Variants in ATP2B2 observed in about 807,000 individuals in gnomAD.
The protein encoded by ATP2B2 is ATPase plasma membrane Ca2+ transporting 2.
Under a neutral mutation model 120.0 loss-of-function variants are expected in ATP2B2, and 15 were observed. The observed-to-expected ratio is 0.12, with a 90% CI of 0.08 to 0.19. ATP2B2 has a LOEUF of 0.19. Among genes scored for constraint, ATP2B2 ranks in the 10% least tolerant of loss-of-function variants. The pLI is 1.00. For synonymous variants in ATP2B2, 694 were observed against 700.3 expected (o/e 0.99, Z 0.14); for missense variants, 1,045 against 1,719.8 (o/e 0.61, Z 6.94).
At chr3:10,337,603 G>A (rs540933606) in intron 22 of ATP2B2, among the ~76,000 whole-genome samples, 1 of 152,278 alleles carries the variant, frequency 6.6e-6, no homozygotes, top group Non-Finnish European at 1.5e-5. Flanking sequence ...GCTACGCCCT[G>A]CACCTGTGCT....
chr3:10,566,749 C>A (rs1414525601), intron 2 of ATP2B2, among the ~76,000 whole-genome samples: 3 of 152,106 alleles, frequency 2.0e-5, no homozygotes, highest in African/African-American at 7.2e-5. Flanking sequence ...AGCAGTGGGA[C>A]CTGAGTGACA....
chr3:10,432,764 C>T (rs34854), intron 2 of ATP2B2, among the ~76,000 whole-genome samples: 27,442 of 152,196 alleles, frequency 0.18, 3,037 homozygotes, highest in East Asian at 0.33. Context: ...TGTCTCTTGA[C>T]AGGGGACAAA....
intron 14 of ATP2B2, among the ~76,000 whole-genome samples, chr3:10,353,206 A>C (rs1434352525): frequency 6.6e-6 from 1 of 152,188 alleles, no homozygotes; most frequent in African/African-American, 2.4e-5. Flanking sequence ...GGAACACAGA[A>C]GGGGGTTTTG....
At chr3:10,519,524 C>T (rs1465211862) in intron 3 of ATP2B2, among the ~76,000 whole-genome samples, 11 of 152,148 alleles carry the variant, frequency 7.2e-5, no homozygotes, top group Non-Finnish European at 4.4e-5. Flanking sequence ...TCTGATGGTA[C>T]GTGAGAGGCG....
intron 2 of ATP2B2, among the ~76,000 whole-genome samples, chr3:10,557,797 C>T (rs1399249896): frequency 1.3e-5 from 2 of 152,124 alleles, no homozygotes; most frequent in Non-Finnish European, 1.5e-5. Context: ...TCCGTGTGAG[C>T]CTGCAGTCCA....
chr3:10,688,872 C>T (rs1371706973), intron 1 of ATP2B2, among the ~76,000 whole-genome samples: 4 of 152,010 alleles, frequency 2.6e-5, no homozygotes, highest in Non-Finnish European at 5.9e-5. Flanking sequence ...ATTAGGGTGG[C>T]CTTCGGTTGA....
chr3:10,435,110 G>A (rs976185877), intron 2 of ATP2B2, among the ~76,000 whole-genome samples: 9 of 152,228 alleles, frequency 5.9e-5, no homozygotes, highest in South Asian at 4.1e-4. Context: ...GGGCGAGTCC[G>A]TCAACCCCTC....
intron 1 of ATP2B2, among the ~76,000 whole-genome samples, chr3:10,699,595 T>C (rs2071787475): frequency 6.6e-6 from 1 of 152,182 alleles, no homozygotes; most frequent in Admixed American, 6.5e-5. Context: ...TCCATAATCA[T>C]TATATAACAT....
intron 1 of ATP2B2, among the ~76,000 whole-genome samples, chr3:10,658,877 C>T (rs1325687199): frequency 6.6e-6 from 1 of 151,920 alleles, no homozygotes; most frequent in Non-Finnish European, 1.5e-5. Context: ...GGAAGCCCAT[C>T]AGACTAACAG....
chr3:10,385,040 G>A (rs1575080749), intron 8 of ATP2B2, among the ~76,000 whole-genome samples: 1 of 152,330 alleles, frequency 6.6e-6, no homozygotes, highest in South Asian at 2.1e-4. Flanking sequence ...GGCTCGACAG[G>A]AGCCAGCACC....
At chr3:10,534,831 G>C (rs2067277134) in intron 2 of ATP2B2, among the ~76,000 whole-genome samples, 1 of 151,654 alleles carries the variant, frequency 6.6e-6, no homozygotes, top group African/African-American at 2.4e-5. Flanking sequence ...GAGGGCACTG[G>C]ATGCTATAGG....
intron 5 of ATP2B2, among the ~76,000 whole-genome samples, chr3:10,388,904 T>A (rs1456925451): frequency 1.3e-5 from 2 of 152,248 alleles, no homozygotes; most frequent in Non-Finnish European, 2.9e-5. Context: ...AGTGTTCTAA[T>A]AAAGTACACT....
intron 1 of ATP2B2, among the ~76,000 whole-genome samples, chr3:10,468,610 A>G (rs953630395): frequency 2.0e-5 from 3 of 152,228 alleles, no homozygotes; most frequent in Admixed American, 1.3e-4. Context: ...GTAACCCTGG[A>G]AAGTGGGAGC....
chr3:10,570,750 T>C (rs2068105622), intron 2 of ATP2B2, among the ~76,000 whole-genome samples: 1 of 152,132 alleles, frequency 6.6e-6, no homozygotes, highest in South Asian at 2.1e-4. Context: ...CAAAACTCCA[T>C]TGGCGAGAGG....
intron 14 of ATP2B2, 27 bp from the exon 15 acceptor site, chr3:10,350,604 G>A: frequency 6.2e-7 from 1 of 1,605,420 alleles, no homozygotes; most frequent in Non-Finnish European, 8.5e-7. Context: ...GGGCCATGGG[G>A]GAGGGCACCA....
At chr3:10,485,280 C>T (rs1160554616) in intron 1 of ATP2B2, among the ~76,000 whole-genome samples, 1 of 152,176 alleles carries the variant, frequency 6.6e-6, no homozygotes, top group Non-Finnish European at 1.5e-5. Flanking sequence ...GTTTATTATC[C>T]CTATTTTACA....
intron 5 of ATP2B2, among the ~76,000 whole-genome samples, chr3:10,395,847 G>A (rs540552723): frequency 2.0e-5 from 3 of 152,202 alleles, no homozygotes; most frequent in Non-Finnish European, 4.4e-5. Context: ...GCAGCAACAG[G>A]AAGCAGCTGT....
intron 2 of ATP2B2, among the ~76,000 whole-genome samples, chr3:10,446,787 G>A (rs1304592373): frequency 6.6e-6 from 1 of 152,184 alleles, no homozygotes; most frequent in Non-Finnish European, 1.5e-5. Flanking sequence ...GAATGACCAG[G>A]AGACCAAGGC....
At chr3:10,680,175 T>C (rs1479715562) in intron 1 of ATP2B2, among the ~76,000 whole-genome samples, 1 of 152,210 alleles carries the variant, frequency 6.6e-6, no homozygotes, top group African/African-American at 2.4e-5. Context: ...ACCAGAGACA[T>C]CCTGTGTCCA....
Sources: gnomAD v4.1 joint callset for allele counts (sites outside exome capture counted in the v4.1 genomes callset) on GRCh38, gnomAD v4.1.1 for gene constraint, MANE v1.5 for transcripts, NCBI Gene and HGNC (gene_info 2026-07-23, HGNC 2026-07-21) for gene names.